Variants in IQCM observed in about 807,000 individuals in gnomAD.
IQCM encodes IQ domain-containing protein M.
A neutral mutation model predicts 57.6 loss-of-function variants in IQCM; 45 were observed. That is an observed-to-expected ratio of 0.78 (90% CI 0.62 to 1.00). The LOEUF is 1.00. Among genes scored for constraint, IQCM ranks in the 50% least tolerant of loss-of-function variants. The pLI is 0.00. For missense variants in IQCM, 468 were observed against 511.6 expected, an observed-to-expected ratio of 0.91 and a Z score of 0.82; for synonymous variants, 148 against 158.9, an observed-to-expected ratio of 0.93 and a Z score of 0.51.
intron 12 of IQCM, 90 bp downstream of exon 12, chr4:149,548,365 G>A (rs1748666003): frequency 9.4e-7 from 1 of 1,061,194 alleles, no homozygotes; most frequent in Admixed American, 4.3e-5. Context: ...AATGAAGAAA[G>A]GAAGAGAACA....
intron 2 of IQCM, chr4:149,793,657 T>A (rs1434658344): frequency 6.6e-6 from 1 of 152,206 alleles, no homozygotes; most frequent in African/African-American, 2.4e-5. Context: ...ATGGATTTTA[T>A]ACATTAGTCA....
chr4:149,640,202 A>G (rs955814924), intron 7 of IQCM, among the ~76,000 whole-genome samples: 1 of 152,186 alleles, frequency 6.6e-6, no homozygotes, highest in African/African-American at 2.4e-5. Context: ...AGTGCTTGAG[A>G]TATTTTGGTA....
chr4:149,485,978 C>T (rs574612695), intron 12 of IQCM, among the ~76,000 whole-genome samples: 2 of 151,356 alleles, frequency 1.3e-5, no homozygotes, highest in South Asian at 4.2e-4. Flanking sequence ...CAGGCAGAGA[C>T]TCTTGTTCAC....
At chr4:149,363,055 G>C (rs944572135) in intron 13 of IQCM, among the ~76,000 whole-genome samples, 8 of 152,164 alleles carry the variant, frequency 5.3e-5, no homozygotes, top group African/African-American at 1.9e-4. Context: ...TTTTGTGAGA[G>C]GAAGTCCCCA....
At chr4:149,619,815 G>A (rs1161021960) in intron 8 of IQCM, among the ~76,000 whole-genome samples, 1 of 152,144 alleles carries the variant, frequency 6.6e-6, no homozygotes, top group African/African-American at 2.4e-5. Flanking sequence ...GAGGTCATAA[G>A]GGTAGGGTCC....
chr4:149,621,549 T>C (rs1397661711), intron 7 of IQCM, among the ~76,000 whole-genome samples: 3 of 151,864 alleles, frequency 2.0e-5, no homozygotes, highest in Non-Finnish European at 2.9e-5. Context: ...ATCAACTTCT[T>C]TTTTTTTAAA....
chr4:149,392,569 G>A (rs115727830), intron 13 of IQCM, among the ~76,000 whole-genome samples: 340 of 151,958 alleles, frequency 2.2e-3, no homozygotes, highest in African/African-American at 8.0e-3. Context: ...CATAACCTAA[G>A]TTTTTCCCTC....
intron 8 of IQCM, among the ~76,000 whole-genome samples, chr4:149,600,853 C>T (rs1042128333): frequency 3.2e-4 from 48 of 152,156 alleles, no homozygotes; most frequent in Non-Finnish European, 5.6e-4. Context: ...GGTGAAAGCT[C>T]TATTATCCAA....
At chr4:149,625,627 A>G (rs1171921546) in intron 7 of IQCM, among the ~76,000 whole-genome samples, 1 of 152,196 alleles carries the variant, frequency 6.6e-6, no homozygotes, top group East Asian at 1.9e-4. Context: ...GCTTCCAGAT[A>G]TGGGGCAGGA....
At chr4:149,610,434 A>C (rs1755176093) in intron 8 of IQCM, among the ~76,000 whole-genome samples, 1 of 152,092 alleles carries the variant, frequency 6.6e-6, no homozygotes, top group Non-Finnish European at 1.5e-5. Context: ...CTGAGTAAAA[A>C]GTACAAAGCT....
chr4:149,564,979 G>A (rs1211884932), intron 9 of IQCM, among the ~76,000 whole-genome samples: 1 of 151,992 alleles, frequency 6.6e-6, no homozygotes, highest in Admixed American at 6.6e-5. Context: ...GTATATACCT[G>A]TTATGTTTTA....
chr4:149,452,243 A>C (rs1025625620), intron 12 of IQCM, among the ~76,000 whole-genome samples: 10 of 151,616 alleles, frequency 6.6e-5, no homozygotes, highest in Non-Finnish European at 1.5e-4. Flanking sequence ...CAAAATACTC[A>C]ATATTGTTAA....
chr4:149,604,847 T>C (rs1040899357), intron 8 of IQCM, among the ~76,000 whole-genome samples: 2 of 152,180 alleles, frequency 1.3e-5, no homozygotes, highest in Non-Finnish European at 2.9e-5. Context: ...AGAACAAGCA[T>C]ACCTAGCTTC....
chr4:149,714,466 A>G, intron 5 of IQCM, among the ~76,000 whole-genome samples: 1 of 152,148 alleles, frequency 6.6e-6, no homozygotes, highest in East Asian at 1.9e-4. Flanking sequence ...CAGATATCCA[A>G]CTCTCTATTC....
At chr4:149,672,490 C>T (rs1761385498) in intron 7 of IQCM, among the ~76,000 whole-genome samples, 1 of 152,138 alleles carries the variant, frequency 6.6e-6, no homozygotes, top group African/African-American at 2.4e-5. Flanking sequence ...GCGCAAGCTT[C>T]AGTAGCTGAT....
chr4:149,357,218 C>G (rs967987459), intron 13 of IQCM, among the ~76,000 whole-genome samples: 1 of 152,138 alleles, frequency 6.6e-6, no homozygotes, highest in African/African-American at 2.4e-5. Flanking sequence ...TCCTCTTTTC[C>G]TAATTTAATG....
intron 12 of IQCM, among the ~76,000 whole-genome samples, chr4:149,459,020 T>TG (rs1028180442): frequency 1.3e-5 from 2 of 152,162 alleles, no homozygotes; most frequent in African/African-American, 2.4e-5. Context: ...TATAGTGCAG[T>TG]GGGGGTGTGA....
intron 13 of IQCM, among the ~76,000 whole-genome samples, chr4:149,378,443 G>A (rs896544448): frequency 6.6e-6 from 1 of 152,166 alleles, no homozygotes; most frequent in Non-Finnish European, 1.5e-5. Flanking sequence ...TCTAGGCTGA[G>A]ATGCTGAGAT....
intron 2 of IQCM, among the ~76,000 whole-genome samples, chr4:149,795,559 C>T (rs540251651): frequency 8.5e-5 from 13 of 152,128 alleles, no homozygotes; most frequent in Non-Finnish European, 1.3e-4. Flanking sequence ...AATGGACTCA[C>T]GGGACATGCA....
Sources: gnomAD v4.1 joint callset for allele counts (sites outside exome capture counted in the v4.1 genomes callset) on GRCh38, gnomAD v4.1.1 for gene constraint, MANE v1.5 for transcripts, NCBI Gene and HGNC (gene_info 2026-07-23, HGNC 2026-07-21) for gene names.